AMPH: variants seen among roughly 807,000 people sequenced by gnomAD.
AMPH encodes the protein amphiphysin (Stiff-Mann syndrome with breast cancer 128kD autoantigen).
In AMPH, 49 loss-of-function variants were observed where a neutral mutation model predicts 99.1. That is an observed-to-expected ratio of 0.49 (90% CI 0.39 to 0.63). The LOEUF is 0.63. AMPH is among the 20% of genes least tolerant of loss of function. The pLI, the probability that AMPH is intolerant of heterozygous loss-of-function variation, is 0.00. For missense variants in AMPH, 759 were observed against 863.4 expected (o/e 0.88, Z 1.52); for synonymous variants, 314 against 317.3 (o/e 0.99, Z 0.11).
chr7:38,591,885 C>T (rs920618572), intron 1 of AMPH, among the ~76,000 whole-genome samples: 2 of 152,144 alleles, frequency 1.3e-5, no homozygotes, highest in African/African-American at 4.8e-5. Context: ...CCAGCTTGGT[C>T]GTGGAGACCC....
At chr7:38,554,307 T>C (rs948765308) in intron 1 of AMPH, among the ~76,000 whole-genome samples, 8 of 152,224 alleles carry the variant, frequency 5.3e-5, no homozygotes, top group African/African-American at 1.9e-4. Flanking sequence ...GTCTGCTCCA[T>C]GTGTATGTCT....
At chr7:38,523,393 C>T (rs1048813082) in intron 2 of AMPH, among the ~76,000 whole-genome samples, 1 of 152,144 alleles carries the variant, frequency 6.6e-6, no homozygotes, top group African/African-American at 2.4e-5. Context: ...GGAAAAATAA[C>T]TGATTCCAAG....
At chr7:38,420,901 T>C in intron 16 of AMPH, 1 of 453,544 alleles carries the variant, frequency 2.2e-6, no homozygotes, top group South Asian at 1.6e-5. Context: ...ATTACCAACT[T>C]CACCCCCTAC....
chr7:38,509,532 G>A (rs528290363), intron 2 of AMPH, among the ~76,000 whole-genome samples: 1 of 152,262 alleles, frequency 6.6e-6, no homozygotes, highest in Non-Finnish European at 1.5e-5. Context: ...GGATCTTCTG[G>A]AAAAGCTAAC....
intron 17 of AMPH, among the ~76,000 whole-genome samples, chr7:38,399,975 G>A (rs993795659): frequency 4.6e-5 from 7 of 152,138 alleles, no homozygotes; most frequent in African/African-American, 9.7e-5. Flanking sequence ...TTGCTAAACC[G>A]CCTGTCCATC....
At chr7:38,477,689 T>TAAC (rs367715923) in intron 5 of AMPH, among the ~76,000 whole-genome samples, 3,354 of 151,882 alleles carry the variant, frequency 0.022, 118 homozygotes, top group African/African-American at 0.077. Flanking sequence ...CATTTCCTCT[T>TAAC]AACAACAACA....
At chr7:38,603,760 A>G (rs887501313) in intron 1 of AMPH, among the ~76,000 whole-genome samples, 6 of 152,168 alleles carry the variant, frequency 3.9e-5, no homozygotes, top group Admixed American at 2.6e-4. Flanking sequence ...CTCCCTGCTC[A>G]TGCAGTCTGG....
chr7:38,558,582 G>C (rs1791448116), intron 1 of AMPH, among the ~76,000 whole-genome samples: 1 of 152,228 alleles, frequency 6.6e-6, no homozygotes, highest in African/African-American at 2.4e-5. Flanking sequence ...ATAATGATGG[G>C]AAGGAGGGAG....
chr7:38,404,486 G>A (rs1052179919), intron 17 of AMPH, among the ~76,000 whole-genome samples: 3 of 152,166 alleles, frequency 2.0e-5, no homozygotes, highest in Non-Finnish European at 4.4e-5. Flanking sequence ...AACAAGCAGT[G>A]TTTGAGAAAG....
At chr7:38,389,998 G>A in intron 19 of AMPH, 93 bp from the exon 20 acceptor site, 1 of 1,004,650 alleles carries the variant, frequency 1.0e-6, no homozygotes, top group Middle Eastern at 2.2e-4. Flanking sequence ...ATGAAAAGAG[G>A]AAGATATTTG....
At chr7:38,556,967 A>G (rs1175087983) in intron 1 of AMPH, among the ~76,000 whole-genome samples, 1 of 152,174 alleles carries the variant, frequency 6.6e-6, no homozygotes, top group Non-Finnish European at 1.5e-5. Flanking sequence ...GGCAAGAAAG[A>G]GAAGCATGAG....
Position 38,394,005 on chromosome 7 carries a change from C to T in AMPH, c.1608G>A (p.Gln536=). 1.2e-6 allele frequency: 2 copies of T among 1,614,244 alleles called. No individual in the cohort carries two copies. Among genetic ancestry groups the T allele is most frequent in the Admixed American group, 1.7e-5 (1 of 60,036 alleles). ...EAEELEATVP[Q]EKVIPSVVIE... is the part of the protein sequence containing the mutation. ...CCTGGCTGCGACATGGGACACTCAC[C>T]TGAGGCACTGTTGCTTCGAGCTCCT... is the stretch of plus-strand genomic sequence containing the variant. Residue 536 remains glutamine, a splice_region_variant and synonymous_variant, in exon 18 of 21, where the codon CAG becomes CAA. Transcript: ENST00000356264.
rs1562834461 is a variant in AMPH, at chr7:38,570,996, ATTC to A, written c.70-35988_70-35986del. Among the ~76,000 whole-genome samples, 3 of 50,020 alleles carry A rather than the reference ATTC, an allele frequency of 6.0e-5. 1 individual carries two copies. Among genetic ancestry groups the A allele is most frequent in the Non-Finnish European group, 6.7e-5 (2 of 29,638 alleles). The allele number at this position is 50,020 out of a possible 152,430, so 32.8% of individuals were successfully genotyped here. A position where few individuals can be genotyped will look rare whatever the true frequency, so the allele number is the denominator to read the frequency against. The stretch of plus-strand genomic sequence containing the variant: ...ATATATATATATTCAATATATATAT[ATTC>A]ATATATATAGAATATATATATTCAT... On this transcript the variant is annotated intron_variant, in intron 1 of 20. Coordinates refer to ENST00000356264, the MANE Select transcript of AMPH (RefSeq NM_001635.4).
chr7:38,615,385 T>C (rs1196581421), intron 1 of AMPH, among the ~76,000 whole-genome samples: 1 of 152,120 alleles, frequency 6.6e-6, no homozygotes, highest in Admixed American at 6.5e-5. Context: ...AAATTTTCCA[T>C]TACCCTTCAT....
In AMPH at chr7:38,465,523, C is replaced by T; in HGVS notation, c.693G>A (p.Met231Ile). ...CGGCGTGCTGGTCACCCAGTTTTGT[C>T]ATCACTTCATACAGTTTGTGGCAAA... The part of the protein sequence containing the change: ...AVLCHKLYEV[M>I]TKLGDQHADK... Residue 231 changes from methionine (M) to isoleucine (I), a missense_variant, in exon 9 of 21, where the codon ATG becomes ATA. Physicochemically the swap from Met to Ile is conservative, Grantham distance 10. This residue lies in a region of AMPH where 205 missense variants were observed against 287.9 expected (regional missense o/e 0.71). Transcript: ENST00000356264. The T allele has an allele frequency of 6.3e-7, 1 of 1,584,836 alleles. No homozygotes were observed. The highest frequency in any genetic ancestry group is 8.6e-7 in the Non-Finnish European group (1 of 1,163,740).
chr7:38,581,907 C>T (rs1019024128), intron 1 of AMPH, among the ~76,000 whole-genome samples: 5 of 152,014 alleles, frequency 3.3e-5, no homozygotes, highest in Admixed American at 6.6e-5. Context: ...TTGCAGAAGA[C>T]GGAGATGGGG....
At chr7:38,551,318 C>T (rs1280499335) in intron 1 of AMPH, among the ~76,000 whole-genome samples, 1 of 152,174 alleles carries the variant, frequency 6.6e-6, no homozygotes, top group Non-Finnish European at 1.5e-5. Flanking sequence ...CAATCAGCAA[C>T]CAAATCCCTC....
At chr7:38,398,583 A>T (rs565793651) in intron 17 of AMPH, among the ~76,000 whole-genome samples, 2 of 152,364 alleles carry the variant, frequency 1.3e-5, no homozygotes, top group Admixed American at 1.3e-4. Context: ...GTTAATGGGC[A>T]CAAACAATAA....
intron 2 of AMPH, among the ~76,000 whole-genome samples, chr7:38,519,113 T>C (rs1431891866): frequency 1.3e-5 from 2 of 152,262 alleles, no homozygotes; most frequent in African/African-American, 2.4e-5. Flanking sequence ...CCATCTGCCA[T>C]GGGATGGTCT....
Sources: allele counts gnomAD v4.1 joint callset (sites outside exome capture counted in the v4.1 genomes callset), GRCh38; gene constraint gnomAD v4.1.1; regional missense constraint gnomAD v4.1.1; transcripts MANE v1.5; gene names NCBI Gene and HGNC (gene_info 2026-07-23, HGNC 2026-07-21).